The following SLFN12L variants were observed in gnomAD, a reference collection of about 807,000 sequenced individuals.
SLFN12L encodes the protein schlafen family member 12-like.
A neutral mutation model predicts 34.8 loss-of-function variants in SLFN12L; 34 were observed. That is an observed-to-expected ratio of 0.98 (90% CI 0.74 to 1.30). SLFN12L has a LOEUF of 1.30. Ranked by LOEUF, SLFN12L falls within the 50% of genes most tolerant of loss-of-function variation. SLFN12L has a pLI of 0.00. For missense variants in SLFN12L, 703 were observed against 696.2 expected (o/e 1.01, Z -0.11); for synonymous variants, 259 against 247.5 (o/e 1.05, Z -0.44).
chr17:35,490,602 A>T, intron 2 of SLFN12L: 1 of 836,062 alleles, frequency 1.2e-6, no homozygotes, highest in South Asian at 1.4e-5. Flanking sequence ...GCCTGTCAAA[A>T]GAAATGACCA....
intron 2 of SLFN12L, among the ~76,000 whole-genome samples, chr17:35,521,781 A>C: frequency 6.6e-6 from 1 of 152,208 alleles, no homozygotes; most frequent in East Asian, 1.9e-4. Flanking sequence ...AGCTGAGGTG[A>C]GAGGATTGCT....
Position 35,479,638 on chromosome 17 carries a change from T to C in SLFN12L, c.644A>G (p.Glu215Gly), listed in dbSNP as rs1464459521. ...AGCCAAGGCTTCCATGTTACTTTCT[T>C]CTTGTACATCAACACAGGCCCTTTT... ...PAKRACVDVQ[E>G]ESNMEALAAD... Residue 215 changes from glutamate to glycine, a missense_variant, in exon 3 of 5, where the codon GAA (glutamate) becomes GGA (glycine). Transcript: ENST00000628453. 1.2e-6 allele frequency: 2 copies of C among 1,611,128 alleles called. No homozygotes were observed. The highest frequency in any genetic ancestry group is 1.7e-6 in the Non-Finnish European group (2 of 1,178,426).
chr17:35,467,176 A>C lies in SLFN12L; in HGVS notation c.*7747T>G, dbSNP rs1913729509. ...TTACCTGGAAAGCTCCTTTGGATTG[A>C]CTGAGTGAACAGCAATAGAAGTTCA... On this transcript the variant is annotated 3_prime_UTR_variant, in exon 5 of 5. Coordinates refer to ENST00000628453, the MANE Select transcript of SLFN12L (RefSeq NM_001363830.2). Among the ~76,000 whole-genome samples the C allele has an allele frequency of 6.6e-6, 1 of 152,174 alleles. No homozygotes were observed. Among genetic ancestry groups the C allele is most frequent in the Non-Finnish European group, 1.5e-5 (1 of 68,038 alleles).
intron 1 of SLFN12L, among the ~76,000 whole-genome samples, chr17:35,527,463 G>A (rs762046793): frequency 3.3e-5 from 5 of 152,056 alleles, no homozygotes; most frequent in African/African-American, 4.8e-5. Flanking sequence ...AAAAAATACT[G>A]GCAAACCGAA....
chr17:35,523,050 ATATAT>A, intron 1 of SLFN12L, 81 bp from the exon 2 acceptor site: 1 of 327,910 alleles, frequency 3.0e-6, no homozygotes, highest in East Asian at 5.5e-5. Context: ...TAACTGATTA[ATATAT>A]TTGATTATTA....
At chr17:35,493,813 A>C (rs1914934937) in intron 2 of SLFN12L, among the ~76,000 whole-genome samples, 1 of 152,230 alleles carries the variant, frequency 6.6e-6, no homozygotes, top group South Asian at 2.1e-4. Context: ...TTGTACAAAA[A>C]TAGCAATTAA....
At chr17:35,514,428 C>T (rs1915749212) in intron 2 of SLFN12L, among the ~76,000 whole-genome samples, 1 of 152,236 alleles carries the variant, frequency 6.6e-6, no homozygotes, top group South Asian at 2.1e-4. Context: ...TCAGTTTCTC[C>T]TACACTTTTC....
In SLFN12L at chr17:35,475,322, G is replaced by A. The variant is rs1913947819; in HGVS notation, c.1440C>T (p.Asn480=). ...SWSLDLGLQE[N]HKVLCDALLI... ...GAAGAGCATCACAGAGGACTTTGTG[G>A]TTCTCTTGCAAGCCCAGATCCAAAG... Residue 480 remains asparagine (N), a synonymous_variant, in exon 5 of 5, where the codon AAC becomes AAT. Transcript: ENST00000628453. The A allele has an allele frequency of 6.2e-7, 1 of 1,614,168 alleles. No individual in the cohort carries two copies. Among genetic ancestry groups the A allele is most frequent in the Non-Finnish European group, 8.5e-7 (1 of 1,180,028 alleles).
intron 2 of SLFN12L, among the ~76,000 whole-genome samples, chr17:35,514,379 T>C (rs1488596181): frequency 2.0e-5 from 3 of 152,244 alleles, no homozygotes; most frequent in Non-Finnish European, 4.4e-5. Flanking sequence ...AATTTTCTGA[T>C]TTATAGCATA....
At chr17:35,493,799 A>T (rs1334362463) in intron 2 of SLFN12L, among the ~76,000 whole-genome samples, 1 of 152,242 alleles carries the variant, frequency 6.6e-6, no homozygotes, top group Non-Finnish European at 1.5e-5. Flanking sequence ...CATTTTTAGC[A>T]GTTTTGTACA....
rs985423565 is a variant in SLFN12L at position 35,522,016 on chromosome 17, G to C, written c.86+263C>G. Among the ~76,000 whole-genome samples, 4 of 152,156 alleles carry C rather than the reference G, an allele frequency of 2.6e-5. 1 individual carries two copies. The highest frequency in any genetic ancestry group is 2.1e-4 in the South Asian group (1 of 4,820). On this transcript the variant is annotated intron_variant, in intron 2 of 4. Transcript: ENST00000628453. ...GATAGCATTAGGAGATATACCTAAT[G>C]TTAAATGACGAGTTGATGGGTGCAG...
At chr17:35,504,881 C>A (rs1915416472) in intron 2 of SLFN12L, among the ~76,000 whole-genome samples, 1 of 152,202 alleles carries the variant, frequency 6.6e-6, no homozygotes, top group African/African-American at 2.4e-5. Context: ...TGTGGTGGAC[C>A]TTTACTAGGC....
intron 2 of SLFN12L, among the ~76,000 whole-genome samples, chr17:35,492,756 A>C (rs1023215403): frequency 8.5e-5 from 13 of 152,196 alleles, no homozygotes; most frequent in African/African-American, 3.1e-4. Flanking sequence ...GGCAGGTGGC[A>C]GTGGTCATCT....
chr17:35,504,752 G>T (rs1056556702), intron 2 of SLFN12L, among the ~76,000 whole-genome samples: 1 of 152,202 alleles, frequency 6.6e-6, no homozygotes, highest in Non-Finnish European at 1.5e-5. Context: ...TGTCTCTCAC[G>T]ACAGGGAGGA....
In SLFN12L at chr17:35,476,513, G is replaced by GGAAGGAAA. The variant is rs1367809369; in HGVS notation, c.1277-1036_1277-1029dup. Reference sequence around the variant, plus strand: ...AGGAAGGAAGGAAGGAAGGAAGGAAGGAAGGAAAGAAGGAAGGAAGGAGAA... The same window carrying GGAAGGAAA: ...AGGAAGGAAGGAAGGAAGGAAGGAAGGAAGGAAAGAAGGAAAGAAGGAAGGAAGGAGAA... On this transcript the variant is annotated intron_variant, in intron 4 of 4. Coordinates refer to ENST00000628453, the MANE Select transcript of SLFN12L (RefSeq NM_001363830.2). Among the ~76,000 whole-genome samples the GGAAGGAAA allele has an allele frequency of 2.5e-3, 320 of 128,874 alleles. 2 individuals are homozygous for GGAAGGAAA. Among genetic ancestry groups the GGAAGGAAA allele is most frequent in the Middle Eastern group, 7.9e-3 (2 of 252 alleles). 84.5% of individuals were successfully genotyped at this position (128,874 alleles called of 152,430 possible). A position where few individuals can be genotyped will look rare whatever the true frequency, so the allele number is the denominator to read the frequency against.
At chr17:35,512,884 C>A (rs184057546) in intron 2 of SLFN12L, among the ~76,000 whole-genome samples, 1 of 152,226 alleles carries the variant, frequency 6.6e-6, no homozygotes, top group East Asian at 1.9e-4. Flanking sequence ...GTGTTTCTAC[C>A]CTCTCCGAAC....
At chr17:35,491,087 T>G (rs773641886) in intron 2 of SLFN12L, 9 of 778,166 alleles carry the variant, frequency 1.2e-5, no homozygotes, top group Non-Finnish European at 2.1e-5. Flanking sequence ...ATTTGTGAAC[T>G]TACTGCCTCC....
chr17:35,524,228 G>A (rs991398824), intron 1 of SLFN12L, among the ~76,000 whole-genome samples: 8 of 152,190 alleles, frequency 5.3e-5, no homozygotes, highest in Non-Finnish European at 8.8e-5. Flanking sequence ...TAAGAAGTTG[G>A]GGGAGATAAA....
rs1235769802 is a variant in SLFN12L at position 35,467,794 on chromosome 17, GC to G, written c.*7128del. Among the ~76,000 whole-genome samples, 1 of 152,156 alleles carries G rather than the reference GC, an allele frequency of 6.6e-6. No homozygotes were observed. Among genetic ancestry groups the G allele is most frequent in the Non-Finnish European group, 1.5e-5 (1 of 68,030 alleles). ...CTTATCTGATATGGGACCCGTTTGA[GC>G]CTAAACTTCAACCATGAAGCAAGCA... is the stretch of plus-strand genomic sequence containing the variant. On this transcript the variant is annotated 3_prime_UTR_variant, in exon 5 of 5. Coordinates refer to ENST00000628453, the MANE Select transcript of SLFN12L (RefSeq NM_001363830.2).
Sources: gnomAD v4.1 joint callset for allele counts (sites outside exome capture counted in the v4.1 genomes callset) on GRCh38, gnomAD v4.1.1 for gene constraint, MANE v1.5 for transcripts, NCBI Gene and HGNC (gene_info 2026-07-23, HGNC 2026-07-21) for gene names.